SYTL5: variants seen among roughly 807,000 people sequenced by gnomAD.
The protein encoded by SYTL5 is synaptotagmin-like protein 5.
Under a neutral mutation model 55.9 loss-of-function variants are expected in SYTL5, and 34 were observed. The ratio of observed to expected loss-of-function variants is 0.61; its 90% CI spans 0.46 to 0.81. The LOEUF (loss-of-function observed/expected upper bound fraction) is 0.81. Among genes scored for constraint, SYTL5 ranks in the 30% least tolerant of loss-of-function variants. The pLI, the probability that SYTL5 is intolerant of heterozygous loss-of-function variation, is 0.00. For missense variants in SYTL5, 637 were observed against 546.7 expected (o/e 1.17, Z -1.65); for synonymous variants, 221 against 188.7 (o/e 1.17, Z -1.40).
chrX:38,010,417 A>T (rs1201114857), intron 1 of SYTL5, among the ~76,000 whole-genome samples: 1 of 111,717 alleles, frequency 9.0e-6, no homozygotes, highest in African/African-American at 3.3e-5. Context: ...TAAAAAAAAG[A>T]ATGATCTTGC....
intron 7 of SYTL5, among the ~76,000 whole-genome samples, chrX:38,092,229 C>T (rs1051029265): frequency 1.8e-5 from 2 of 111,824 alleles, no homozygotes; most frequent in South Asian, 3.8e-4. Context: ...GGGATCTCCA[C>T]AGGGATAGAA....
At chrX:38,103,075 A>T (rs1180125267) in intron 10 of SYTL5, 2 of 1,157,973 alleles carry the variant, frequency 1.7e-6, no homozygotes, top group Admixed American at 5.2e-5. Context: ...AATGTGCCTG[A>T]TGCTGACTCA....
At chrX:37,913,659 A>T in the SYTL5 span, among the ~76,000 whole-genome samples, 1 of 112,157 alleles carries the variant, frequency 8.9e-6, no homozygotes, top group Non-Finnish European at 1.9e-5. Flanking sequence ...CCAACCCTTG[A>T]CCAATGTGAG....
the SYTL5 span, among the ~76,000 whole-genome samples, chrX:37,896,190 A>G: frequency 8.9e-6 from 1 of 112,504 alleles, no homozygotes; most frequent in African/African-American, 3.2e-5. Flanking sequence ...GTGTGAGCAA[A>G]ATAACTGAAA....
At chrX:38,011,424 G>A (rs1382540690) in intron 1 of SYTL5, among the ~76,000 whole-genome samples, 2 of 109,686 alleles carry the variant, frequency 1.8e-5, no homozygotes, top group Non-Finnish European at 3.8e-5. Flanking sequence ...GAGGTCAGGA[G>A]ATCGAGACCA....
the SYTL5 span, among the ~76,000 whole-genome samples, chrX:37,954,541 C>A: frequency 5.0e-4 from 56 of 111,884 alleles, no homozygotes; most frequent in African/African-American, 1.7e-3. Context: ...TTACTTATTT[C>A]TGGCATTCTG....
chrX:38,111,661 C>A (rs1369528072), intron 13 of SYTL5, among the ~76,000 whole-genome samples: 1 of 112,320 alleles, frequency 8.9e-6, no homozygotes, highest in Non-Finnish European at 1.9e-5. Flanking sequence ...TCTCTAATGA[C>A]TACAGTGGCT....
intron 10 of SYTL5, among the ~76,000 whole-genome samples, chrX:38,106,064 T>C (rs750054052): frequency 2.7e-5 from 3 of 111,807 alleles, no homozygotes; most frequent in Admixed American, 1.9e-4. Flanking sequence ...GTTCTTCTGA[T>C]ATGTCCTTGT....
chrX:37,951,141 A>C, the SYTL5 span, among the ~76,000 whole-genome samples: 1 of 111,071 alleles, frequency 9.0e-6, no homozygotes, highest in Non-Finnish European at 1.9e-5. Context: ...CCATCTGACT[A>C]AGAAGCCCTG....
the SYTL5 span, among the ~76,000 whole-genome samples, chrX:37,988,475 G>A: frequency 8.9e-6 from 1 of 112,377 alleles, no homozygotes; most frequent in Non-Finnish European, 1.9e-5. Flanking sequence ...CCCTGGAAGT[G>A]GGTTGCTGCT....
At chrX:38,056,373 G>A (rs1388080080) in intron 3 of SYTL5, among the ~76,000 whole-genome samples, 3 of 111,935 alleles carry the variant, frequency 2.7e-5, no homozygotes, top group African/African-American at 6.5e-5. Flanking sequence ...CTGTTGATGA[G>A]CACTTAGGTT....
At chrX:38,013,908 A>G (rs1033957801) in intron 1 of SYTL5, among the ~76,000 whole-genome samples, 1 of 107,086 alleles carries the variant, frequency 9.3e-6, no homozygotes, top group Non-Finnish European at 1.9e-5. Flanking sequence ...ACCACCACCA[A>G]CTCCTCCTCT....
At chrX:37,965,019 C>T in the SYTL5 span, among the ~76,000 whole-genome samples, 44,717 of 109,564 alleles carry the variant, frequency 0.41, 6,710 homozygotes, top group East Asian at 0.61. Flanking sequence ...TTTTATCTTT[C>T]CATAAAAACT....
At chrX:38,035,460 G>A (rs913568003) in intron 2 of SYTL5, among the ~76,000 whole-genome samples, 7 of 109,454 alleles carry the variant, frequency 6.4e-5, no homozygotes, top group Non-Finnish European at 9.5e-5. Context: ...GCGTGGTGGC[G>A]GGTGCCTGTA....
chrX:38,127,935 G>A lies in SYTL5; in HGVS notation c.*1205G>A. ...CATTTTCAGCCCCTGGTTGTGTCAT[G>A]TCTACTGATATCTCATTGGTCAAAG... On this transcript the variant is annotated 3_prime_UTR_variant, in exon 17 of 17. Coordinates refer to ENST00000297875, the MANE Select transcript of SYTL5 (RefSeq NM_138780.3). The A allele has an allele frequency of 8.9e-6, 1 of 111,835 alleles. No homozygotes were observed. 9.2% of individuals were successfully genotyped at this position (111,835 alleles called of 1,213,427 possible). A position where few individuals can be genotyped will look rare whatever the true frequency, so the allele number is the denominator to read the frequency against.
At chrX:37,997,043 T>G in the SYTL5 span, among the ~76,000 whole-genome samples, 26 of 112,653 alleles carry the variant, frequency 2.3e-4, no homozygotes, top group African/African-American at 8.4e-4. Context: ...TTTCTGGGTT[T>G]CCTTAGAAAA....
chrX:37,905,878 C>T, the SYTL5 span, among the ~76,000 whole-genome samples: 1 of 113,119 alleles, frequency 8.8e-6, no homozygotes, highest in African/African-American at 3.2e-5. Context: ...CGCCTGGGGG[C>T]ATCCGGCTGT....
the SYTL5 span, among the ~76,000 whole-genome samples, chrX:37,890,908 A>G: frequency 8.9e-6 from 1 of 112,124 alleles, no homozygotes; most frequent in Non-Finnish European, 1.9e-5. Context: ...GTGGTGGCCT[A>G]TATCTGTAAT....
the SYTL5 span, among the ~76,000 whole-genome samples, chrX:37,963,106 T>G: frequency 8.9e-6 from 1 of 112,035 alleles, no homozygotes; most frequent in Non-Finnish European, 1.9e-5. Context: ...AAGTTTTTTA[T>G]TTCTTAGTAT....
Sources: allele counts gnomAD v4.1 joint callset (sites outside exome capture counted in the v4.1 genomes callset), GRCh38; gene constraint gnomAD v4.1.1; transcripts MANE v1.5; gene names NCBI Gene and HGNC (gene_info 2026-07-23, HGNC 2026-07-21).